The following ZZEF1 variants were observed in gnomAD, a reference collection of about 807,000 sequenced individuals.
The protein encoded by ZZEF1 is zinc finger ZZ-type and EF-hand domain-containing protein 1.
A neutral mutation model predicts 342.8 loss-of-function variants in ZZEF1; 157 were observed. The ratio of observed to expected loss-of-function variants is 0.46; its 90% CI spans 0.40 to 0.52. ZZEF1 has a LOEUF of 0.52. Ranked by LOEUF, ZZEF1 falls within the 20% of genes least tolerant of loss-of-function variation. The pLI, the probability that ZZEF1 is intolerant of heterozygous loss-of-function variation, is 0.00. For missense variants in ZZEF1, 3,480 were observed against 3,725.6 expected (o/e 0.93, Z 1.72); for synonymous variants, 1,505 against 1,429.1 (o/e 1.05, Z -1.20).
Position 4,025,090 on chromosome 17 carries a change from T to G in ZZEF1, c.6921A>C (p.Gly2307=), listed in dbSNP as rs189725661. ...TVKDYQLVQK[G]GGQECGDSRA... is the part of the protein sequence containing the mutation. ...GAGAGTCACCACACTCTTGTCCTCC[T>G]CCCTTCTGGACCAGCTGGTAGTCCT... is the stretch of plus-strand genomic sequence containing the variant. The change falls in exon 43 of 55, where the codon GGA becomes GGC. Residue 2307 remains glycine, a synonymous_variant. Coordinates refer to ENST00000381638, the MANE Select transcript of ZZEF1 (RefSeq NM_015113.4). 7.2e-5 allele frequency: 117 copies of G among 1,614,126 alleles called. No individual in the cohort carries two copies. In the East Asian group the frequency reaches 2.6e-3, roughly 36 times the overall value.
At chr17:4,057,278 G>A (rs569959505) in intron 32 of ZZEF1, among the ~76,000 whole-genome samples, 6 of 152,198 alleles carry the variant, frequency 3.9e-5, no homozygotes, top group South Asian at 2.1e-4. Flanking sequence ...ACAGCGAGGC[G>A]ACAGCTGAGG....
chr17:4,074,117 G>GT (rs749661981), intron 24 of ZZEF1, 33 bp downstream of exon 24: 2 of 1,608,212 alleles, frequency 1.2e-6, no homozygotes, highest in South Asian at 2.2e-5. Context: ...CACCGTGGTT[G>GT]TAAGAAGGGA....
chr17:4,105,616 T>A, intron 7 of ZZEF1, 77 bp downstream of exon 7: 1 of 1,084,232 alleles, frequency 9.2e-7, no homozygotes, highest in Non-Finnish European at 1.4e-6. Flanking sequence ...AAGATTAATA[T>A]ATATTTTTTA....
chr17:4,110,268 A>G (rs1443742041), intron 5 of ZZEF1, among the ~76,000 whole-genome samples: 1 of 152,214 alleles, frequency 6.6e-6, no homozygotes. Flanking sequence ...AGCAATTGTG[A>G]GAATTTATTT....
Position 4,062,866 on chromosome 17 carries a change from T to G in ZZEF1, c.4770A>C (p.Glu1590Asp). 6.2e-7 allele frequency: 1 copy of G among 1,613,388 alleles called. No individual in the cohort carries two copies. The highest frequency in any genetic ancestry group is 8.5e-7 in the Non-Finnish European group (1 of 1,179,760). ...LRKAQAQSIL[E>D]VLKITQHCAE... ...CACAGTGCTGAGTTATCTTCAGGAC[T>G]TCCAGGATGCTCTGGGCCTGGGCTT... The change falls in exon 30 of 55, where the codon GAA becomes GAC. Residue 1590 changes from glutamate (E) to aspartate (D), a missense_variant. Transcript: ENST00000381638.
At position 4,042,421 on chromosome 17, in the gene ZZEF1, G is replaced by T; in HGVS notation, c.6306+8C>A. 1 of 1,606,934 alleles carries T rather than the reference G, an allele frequency of 6.2e-7. No homozygotes were observed. Among genetic ancestry groups the T allele is most frequent in the Non-Finnish European group, 8.5e-7 (1 of 1,177,718 alleles). ...CCACCCCCACTTTTAAAAATAAATT[G>T]CCCTTACCGACTTTAAGGGAGGTAA... is the stretch of plus-strand genomic sequence containing the variant. On this transcript the variant is annotated splice_region_variant and intron_variant, in intron 39 of 54. Transcript: ENST00000381638.
chr17:4,119,693 A>G (rs955898550), intron 2 of ZZEF1, among the ~76,000 whole-genome samples: 1 of 152,210 alleles, frequency 6.6e-6, no homozygotes, highest in Non-Finnish European at 1.5e-5. Context: ...ACTCTCACCC[A>G]GGGCAATCTT....
chr17:4,049,920 A>C, intron 36 of ZZEF1, 61 bp from the exon 37 acceptor site: 1 of 1,570,358 alleles, frequency 6.4e-7, no homozygotes, highest in Non-Finnish European at 8.7e-7. Flanking sequence ...CTTTTCAGCA[A>C]GTGCCATAAG....
At chr17:4,062,388 A>C (rs1289100562) in intron 30 of ZZEF1, among the ~76,000 whole-genome samples, 1 of 151,380 alleles carries the variant, frequency 6.6e-6, no homozygotes, top group African/African-American at 2.4e-5. Context: ...GATGCTCAAA[A>C]GGTATTTATT....
chr17:4,035,977 G>A lies in ZZEF1; in HGVS notation c.6307-1685C>T, dbSNP rs1159872004. The stretch of plus-strand genomic sequence containing the variant: ...TAGCCGGGTGTAGTGGTTGGCGCCT[G>A]TAATTCCAGCTACTCAGGAGGCTGA... On this transcript the variant is annotated intron_variant, in intron 39 of 54. Coordinates refer to ENST00000381638, the MANE Select transcript of ZZEF1 (RefSeq NM_015113.4). Among the ~76,000 whole-genome samples the A allele has an allele frequency of 2.0e-5, 3 of 150,854 alleles. No homozygotes were observed. In the East Asian group the frequency reaches 5.9e-4, roughly 30 times the overall value.
chr17:4,064,118 T>G (rs1435729871), intron 29 of ZZEF1, among the ~76,000 whole-genome samples: 1 of 151,590 alleles, frequency 6.6e-6, no homozygotes, highest in Admixed American at 6.6e-5. Flanking sequence ...TGATCCCAAG[T>G]GATCCTCCCA....
intron 16 of ZZEF1, 78 bp from the exon 17 acceptor site, chr17:4,082,582 T>C: frequency 7.6e-7 from 1 of 1,320,376 alleles, no homozygotes; most frequent in Non-Finnish European, 1.1e-6. Context: ...CAATGAAACA[T>C]CACCACCCCA....
At chr17:4,076,608 G>A (rs770513492) in intron 21 of ZZEF1, 29 bp downstream of exon 21, 10 of 1,592,944 alleles carry the variant, frequency 6.3e-6, no homozygotes, top group East Asian at 4.5e-5. Flanking sequence ...GAGAGAACAC[G>A]GGGCGGCTCA....
chr17:4,077,988 A>G lies in ZZEF1; in HGVS notation c.2884T>C (p.Ser962Pro). ...CTGCCTTGGACGGACCAGAACAGGG[A>G]GAAGAGCACAGAGCCCACCTCCCCT... ...APGEVGSVLF[S>P]LFWSVQGSLL... is the part of the protein sequence containing the mutation. Residue 962 changes from serine to proline, a missense_variant, in exon 19 of 55, where the codon TCC becomes CCC. Physicochemically the swap from Ser to Pro is moderately conservative, Grantham distance 74 (BLOSUM62 -1). Transcript: ENST00000381638. The G allele has an allele frequency of 6.2e-7, 1 of 1,614,170 alleles. No individual in the cohort carries two copies. Among genetic ancestry groups the G allele is most frequent in the Non-Finnish European group, 8.5e-7 (1 of 1,180,050 alleles).
rs1208519731 is a variant in ZZEF1 at position 4,124,195 on chromosome 17, A to G, written c.355-144T>C. The G allele has an allele frequency of 2.8e-6, 3 of 1,064,594 alleles. No individual in the cohort carries two copies. The Admixed American group carries it at 9.2e-5, about 33-fold the overall frequency. The allele number at this position is 1,064,594 out of a possible 1,614,324, so 65.9% of individuals were successfully genotyped here. ...AAGAGTCCATATGTATCAACCAAAGATAAATTTAGAACAGGAACTCACTGC... is the reference window on the plus strand; with the variant it reads ...AAGAGTCCATATGTATCAACCAAAGGTAAATTTAGAACAGGAACTCACTGC... On this transcript the variant is annotated intron_variant, in intron 1 of 54. Transcript: ENST00000381638.
At chr17:4,121,241 T>C (rs2058477488) in intron 2 of ZZEF1, among the ~76,000 whole-genome samples, 1 of 152,226 alleles carries the variant, frequency 6.6e-6, no homozygotes, top group Non-Finnish European at 1.5e-5. Context: ...CAAAACTGTC[T>C]GAGGTGTCCA....
chr17:4,057,865 G>T, intron 32 of ZZEF1, 129 bp downstream of exon 32: 1 of 911,434 alleles, frequency 1.1e-6, no homozygotes, highest in Non-Finnish European at 1.6e-6. Context: ...CACTCGGCTA[G>T]GATGTGGCAA....
intron 34 of ZZEF1, among the ~76,000 whole-genome samples, chr17:4,052,761 G>A (rs2057077025): frequency 1.3e-5 from 2 of 152,098 alleles, no homozygotes; most frequent in Admixed American, 1.3e-4. Flanking sequence ...CAGCTACTTG[G>A]GAGGCTGAAG....
Position 4,008,991 on chromosome 17 carries a change from CAGATGCGCAGTG to C in ZZEF1, c.8734-49_8734-38del, listed in dbSNP as rs2144912857. The C allele has an allele frequency of 2.0e-6, 3 of 1,536,256 alleles. No homozygotes were observed. In the Admixed American group the frequency reaches 5.9e-5, roughly 30 times the overall value. On this transcript the variant is annotated intron_variant, in intron 53 of 54. Coordinates refer to ENST00000381638, the MANE Select transcript of ZZEF1 (RefSeq NM_015113.4). This position sits in a 1 kb window ranked among gnomAD's most constrained non-coding sequence, Gnocchi z 4.2. Reference sequence around the variant, plus strand: ...GAGCAGGGGCTGTGAGTGACAGCGCCAGATGCGCAGTGCAGCTCTCCCAGACCACCTGGGACA... The same window carrying C: ...GAGCAGGGGCTGTGAGTGACAGCGCCCAGCTCTCCCAGACCACCTGGGACA...
Sources: allele counts gnomAD v4.1 joint callset (sites outside exome capture counted in the v4.1 genomes callset), GRCh38; gene constraint gnomAD v4.1.1; non-coding constraint Gnocchi (gnomAD v3.1); transcripts MANE v1.5; gene names NCBI Gene and HGNC (gene_info 2026-07-23, HGNC 2026-07-21).